UNC13C: variants seen among roughly 807,000 people sequenced by gnomAD.
The protein encoded by UNC13C is unc-13 homolog C, also known as protein unc-13 homolog C.
In UNC13C, 174 loss-of-function variants were observed where a neutral mutation model predicts 245.4. The observed-to-expected ratio is 0.71, with a 90% CI of 0.63 to 0.80. The LOEUF (loss-of-function observed/expected upper bound fraction) is 0.80. Among genes scored for constraint, UNC13C ranks in the 30% least tolerant of loss-of-function variants. The pLI, the probability that UNC13C is intolerant of heterozygous loss-of-function variation, is 0.00. For synonymous variants in UNC13C, 992 were observed against 895.1 expected (o/e 1.11, Z -1.93); for missense variants, 2,829 against 2,602.9 (o/e 1.09, Z -1.89).
chr15:54,460,110 C>G (rs1283195046), intron 19 of UNC13C, among the ~76,000 whole-genome samples: 1 of 152,118 alleles, frequency 6.6e-6, no homozygotes, highest in Non-Finnish European at 1.5e-5. Context: ...TGGTGCTCTC[C>G]CCCTAGGAAT....
At chr15:54,266,755 C>T (rs1370964255) in intron 10 of UNC13C, among the ~76,000 whole-genome samples, 1 of 151,996 alleles carries the variant, frequency 6.6e-6, no homozygotes, top group Non-Finnish European at 1.5e-5. Flanking sequence ...ATGAACATAT[C>T]CATCAGTGCC....
At chr15:54,602,048 C>G (rs1027152507) in intron 30 of UNC13C, among the ~76,000 whole-genome samples, 4 of 149,982 alleles carry the variant, frequency 2.7e-5, no homozygotes, top group African/African-American at 9.7e-5. Context: ...GCTAGCTCCT[C>G]CCTTGGCCAT....
intron 2 of UNC13C, among the ~76,000 whole-genome samples, chr15:54,084,208 A>G (rs951339485): frequency 6.6e-6 from 1 of 152,190 alleles, no homozygotes. Context: ...GAGCCCGTCC[A>G]TTCACAGTAA....
At chr15:54,202,252 A>G (rs374894472) in intron 4 of UNC13C, among the ~76,000 whole-genome samples, 2 of 152,156 alleles carry the variant, frequency 1.3e-5, no homozygotes, top group East Asian at 3.9e-4. Context: ...GCCAAAAGCA[A>G]TCTACAAATT....
the UNC13C span, among the ~76,000 whole-genome samples, chr15:53,859,591 G>C: frequency 6.6e-6 from 1 of 152,076 alleles, no homozygotes; most frequent in East Asian, 1.9e-4. Context: ...TATACTGAAG[G>C]AGTCTTTGAT....
chr15:53,894,903 T>C, the UNC13C span, among the ~76,000 whole-genome samples: 2 of 152,224 alleles, frequency 1.3e-5, no homozygotes, highest in Admixed American at 6.5e-5. Context: ...TCATGGACTA[T>C]ATTATTTCAT....
Position 54,311,025 on chromosome 15 carries a change from T to C in UNC13C, c.4268+10652T>C, listed in dbSNP as rs542236670. ...GAAAAGGCAAGTTCAACATAGACTA[T>C]TGTTTTGGTACTAGGAGCTACCTTC... is the stretch of plus-strand genomic sequence containing the variant. On this transcript the variant is annotated intron_variant, in intron 13 of 32. Transcript: ENST00000260323. Among the ~76,000 whole-genome samples, 46 of 151,906 alleles carry C rather than the reference T, an allele frequency of 3.0e-4. 1 individual carries two copies. The South Asian group carries it at 6.2e-3, about 21-fold the overall frequency.
chr15:54,077,077 T>C (rs1898665555), intron 2 of UNC13C, among the ~76,000 whole-genome samples: 1 of 152,100 alleles, frequency 6.6e-6, no homozygotes, highest in South Asian at 2.1e-4. Flanking sequence ...GTTTTGGTCT[T>C]TAGGCAACAA....
At chr15:54,386,868 C>T (rs2039849158) in intron 17 of UNC13C, among the ~76,000 whole-genome samples, 1 of 152,128 alleles carries the variant, frequency 6.6e-6, no homozygotes, top group Non-Finnish European at 1.5e-5. Flanking sequence ...TGTGGCTCCA[C>T]TGATGTCAGG....
At chr15:54,466,103 TG>T (rs1892149903) in intron 19 of UNC13C, among the ~76,000 whole-genome samples, 1 of 151,998 alleles carries the variant, frequency 6.6e-6, no homozygotes, top group Non-Finnish European at 1.5e-5. Flanking sequence ...AGTCAAATTT[TG>T]CATGTTCTCA....
chr15:54,051,724 A>G (rs1324729333), intron 2 of UNC13C, among the ~76,000 whole-genome samples: 1 of 150,058 alleles, frequency 6.7e-6, no homozygotes, highest in Non-Finnish European at 1.5e-5. Flanking sequence ...AAGAAAGTGG[A>G]TTGAGCTCGT....
chr15:54,041,877 C>T (rs1461924880), intron 2 of UNC13C, among the ~76,000 whole-genome samples: 2 of 151,890 alleles, frequency 1.3e-5, no homozygotes, highest in Admixed American at 6.6e-5. Flanking sequence ...ACTTTATTTG[C>T]GTTTTGAAGT....
At chr15:53,990,363 T>A (rs1363663194) in intron 1 of UNC13C, among the ~76,000 whole-genome samples, 1 of 151,922 alleles carries the variant, frequency 6.6e-6, no homozygotes, top group Non-Finnish European at 1.5e-5. Flanking sequence ...CAGCAAAGTT[T>A]AGGAAGATTA....
chr15:54,158,335 A>AT (rs901600179), intron 4 of UNC13C, among the ~76,000 whole-genome samples: 106 of 150,822 alleles, frequency 7.0e-4, no homozygotes, highest in African/African-American at 2.0e-3. Flanking sequence ...CTTTTTTTTA[A>AT]TTTTTTTTTT....
At chr15:54,488,098 C>T (rs891497162) in intron 19 of UNC13C, among the ~76,000 whole-genome samples, 13 of 152,126 alleles carry the variant, frequency 8.5e-5, no homozygotes. Flanking sequence ...TTTTCAACTT[C>T]TAATTACATG....
chr15:54,532,210 G>T (rs1414089144), intron 25 of UNC13C, among the ~76,000 whole-genome samples: 5 of 152,054 alleles, frequency 3.3e-5, no homozygotes, highest in African/African-American at 1.2e-4. Context: ...ACTGTGAGTT[G>T]TTCCCCTCCA....
intron 30 of UNC13C, among the ~76,000 whole-genome samples, chr15:54,615,015 T>C (rs996980808): frequency 6.6e-6 from 1 of 152,046 alleles, no homozygotes; most frequent in African/African-American, 2.4e-5. Flanking sequence ...TATTGGGTTT[T>C]ATATGTTCAC....
At chr15:53,925,845 C>A in the UNC13C span, among the ~76,000 whole-genome samples, 7 of 152,184 alleles carry the variant, frequency 4.6e-5, no homozygotes, top group African/African-American at 7.2e-5. Flanking sequence ...GATCGCCATG[C>A]CTGACCAGGT....
chr15:54,449,500 C>G (rs1891041870), intron 19 of UNC13C, among the ~76,000 whole-genome samples: 1 of 152,136 alleles, frequency 6.6e-6, no homozygotes, highest in African/African-American at 2.4e-5. Context: ...CTCTAAACTT[C>G]TCTTCTCGCT....
Sources: gnomAD v4.1 joint callset for allele counts (sites outside exome capture counted in the v4.1 genomes callset) on GRCh38, gnomAD v4.1.1 for gene constraint, MANE v1.5 for transcripts, NCBI Gene and HGNC (gene_info 2026-07-23, HGNC 2026-07-21) for gene names.